The following FAM120B variants were observed in gnomAD, a reference collection of about 807,000 sequenced individuals.
The protein encoded by FAM120B is constitutive coactivator of peroxisome proliferator-activated receptor gamma.
Under a neutral mutation model 96.3 loss-of-function variants are expected in FAM120B, and 83 were observed. The observed-to-expected ratio is 0.86, with a 90% CI of 0.72 to 1.03. The LOEUF is 1.03. Among genes scored for constraint, FAM120B ranks in the 50% least tolerant of loss-of-function variants. The pLI, the probability that FAM120B is intolerant of heterozygous loss-of-function variation, is 0.00. For synonymous variants in FAM120B, 407 were observed against 402.7 expected, an observed-to-expected ratio of 1.01 and a Z score of -0.13; for missense variants, 1,027 against 1,121.2, an observed-to-expected ratio of 0.92 and a Z score of 1.20.
intron 1 of FAM120B, among the ~76,000 whole-genome samples, chr6:170,300,797 C>G (rs1476579015): frequency 6.6e-6 from 1 of 152,184 alleles, no homozygotes; most frequent in Non-Finnish European, 1.5e-5. Context: ...CTAAAATGAT[C>G]CCCTTTGACT....
chr6:170,361,216 A>ACGTGTG (rs577146615), intron 6 of FAM120B, among the ~76,000 whole-genome samples: 2 of 106,862 alleles, frequency 1.9e-5, no homozygotes, highest in African/African-American at 7.7e-5. Context: ...ATATATATAT[A>ACGTGTG]TATATATATA....
At chr6:170,404,519 T>C in intron 9 of FAM120B, 31 bp from the exon 10 acceptor site, 1 of 1,604,900 alleles carries the variant, frequency 6.2e-7, no homozygotes, top group Non-Finnish European at 8.5e-7. Flanking sequence ...GATTTAATTC[T>C]TACTTTGGTT....
chr6:170,388,252 T>C, intron 6 of FAM120B, 35 bp from the exon 7 acceptor site: 1 of 1,590,092 alleles, frequency 6.3e-7, no homozygotes, highest in Non-Finnish European at 8.6e-7. Context: ...GTGACTCCTG[T>C]CTTACATTTT....
chr6:170,343,157 A>G (rs1387132440), intron 4 of FAM120B, among the ~76,000 whole-genome samples: 1 of 152,020 alleles, frequency 6.6e-6, no homozygotes, highest in African/African-American at 2.4e-5. Flanking sequence ...AAACATCCAC[A>G]CCCTCCCCTG....
chr6:170,395,641 T>G, intron 9 of FAM120B, 62 bp downstream of exon 9: 1 of 1,250,946 alleles, frequency 8.0e-7, no homozygotes, highest in Non-Finnish European at 1.1e-6. Flanking sequence ...CACCTTGTGC[T>G]TTTGCTGATA....
At chr6:170,369,957 C>T (rs1230587427) in intron 6 of FAM120B, among the ~76,000 whole-genome samples, 1 of 152,100 alleles carries the variant, frequency 6.6e-6, no homozygotes, top group African/African-American at 2.4e-5. Flanking sequence ...ATTTTATCTT[C>T]GTGAATAAGA....
chr6:170,358,307 G>A lies in FAM120B; in HGVS notation c.2272G>A (p.Val758Ile). 1 of 1,604,644 alleles carries A rather than the reference G, an allele frequency of 6.2e-7. No homozygotes were observed. The highest frequency in any genetic ancestry group is 1.1e-5 in the South Asian group (1 of 89,714). Residue 758 changes from valine (V) to isoleucine (I), a missense_variant, in exon 6 of 11, where the codon GTA becomes ATA. Val to Ile is a conservative substitution (Grantham distance 29). Around this residue, in one of 3 missense-constraint regions of FAM120B, gnomAD observed 880 missense variants for 980.9 expected, o/e 0.90. Transcript: ENST00000476287. The part of the protein sequence containing the change: ...CLQGKSTSQL[V>I]NLQPDYINPR... ...CCAAGGAAAATCCACCTCGCAGCTT[G>A]TAAATCTACAGGTACAGACGTGACC...
intron 6 of FAM120B, among the ~76,000 whole-genome samples, chr6:170,359,568 A>T (rs1788202907): frequency 6.6e-6 from 1 of 151,952 alleles, no homozygotes; most frequent in Non-Finnish European, 1.5e-5. Context: ...GGCATGCACC[A>T]CCCTGGCTAA....
At chr6:170,336,587 G>T (rs1387038535) in intron 4 of FAM120B, among the ~76,000 whole-genome samples, 2 of 152,068 alleles carry the variant, frequency 1.3e-5, no homozygotes, top group East Asian at 3.8e-4. Context: ...TGTTAGCTTG[G>T]TGGGAATAGC....
At chr6:170,357,564 G>A (rs116346717) in intron 5 of FAM120B, among the ~76,000 whole-genome samples, 2,356 of 152,188 alleles carry the variant, frequency 0.015, 62 homozygotes, top group African/African-American at 0.053. Flanking sequence ...ACTAGGATTC[G>A]AGGACACAGG....
intron 2 of FAM120B, 113 bp from the exon 3 acceptor site, chr6:170,322,966 A>G (rs548504885): frequency 1.2e-6 from 1 of 844,214 alleles, no homozygotes; most frequent in African/African-American, 1.8e-5. Context: ...GGTCAGTTAC[A>G]TTTCTGAGGG....
At chr6:170,398,018 G>A (rs879523796) in intron 9 of FAM120B, among the ~76,000 whole-genome samples, 1 of 152,248 alleles carries the variant, frequency 6.6e-6, no homozygotes, top group Non-Finnish European at 1.5e-5. Context: ...CTGGGCCTCA[G>A]GAAGGTGGAG....
chr6:170,291,127 C>A (rs1199198429), upstream of FAM120B: 2 of 546,704 alleles, frequency 3.7e-6, no homozygotes, highest in Non-Finnish European at 6.9e-6. Flanking sequence ...CTTCCCCGCC[C>A]CCCCAGTCCT....
chr6:170,353,143 G>A (rs942754926), intron 5 of FAM120B, among the ~76,000 whole-genome samples: 1 of 152,120 alleles, frequency 6.6e-6, no homozygotes, highest in Non-Finnish European at 1.5e-5. Context: ...ATAAATTCCT[G>A]CACACATATG....
intron 4 of FAM120B, 44 bp from the exon 5 acceptor site, chr6:170,348,107 G>A: frequency 6.6e-7 from 1 of 1,516,086 alleles, no homozygotes; most frequent in South Asian, 1.2e-5. Context: ...TTATAACTCT[G>A]TGCTGCAAAG....
intron 8 of FAM120B, among the ~76,000 whole-genome samples, chr6:170,393,783 T>C (rs1249395546): frequency 6.6e-6 from 1 of 152,154 alleles, no homozygotes; most frequent in Non-Finnish European, 1.5e-5. Flanking sequence ...CCCAGCCCCA[T>C]GTTCTTGGGT....
Position 170,404,827 on chromosome 6 carries a change from G to GT in FAM120B, c.*78dup. On this transcript the variant is annotated 3_prime_UTR_variant, in exon 11 of 11. Coordinates refer to ENST00000476287, the MANE Select transcript of FAM120B (RefSeq NM_032448.3). ...AGCCCTGCCAGCGCCCTCCTCTGCT[G>GT]TTGCAGCTGCAAGGAGACCATGCCT... 1 of 528,908 alleles carries GT rather than the reference G, an allele frequency of 1.9e-6. No homozygotes were observed. Among genetic ancestry groups the GT allele is most frequent in the Non-Finnish European group, 3.4e-6 (1 of 298,028 alleles). The allele number at this position is 528,908 out of a possible 1,614,324, so 32.8% of individuals were successfully genotyped here.
Position 170,318,074 on chromosome 6 carries a change from C to T in FAM120B, c.684C>T (p.Leu228=), listed in dbSNP as rs771871960. ...CCGACCTTCCTCTTCTGGCCTGCCTCCTTGGCAACGACATAATCCCAGAGG... is the reference window on the plus strand; with the variant it reads ...CCGACCTTCCTCTTCTGGCCTGCCTTCTTGGCAACGACATAATCCCAGAGG... ...CVADLPLLAC[L]LGNDIIPEGM... is the part of the protein sequence containing the mutation. The change falls in exon 2 of 11, where the codon CTC becomes CTT. Residue 228 remains leucine, a synonymous_variant. Transcript: ENST00000476287. 5.0e-6 allele frequency: 8 copies of T among 1,614,182 alleles called. No individual in the cohort carries two copies. The highest frequency in any genetic ancestry group is 6.8e-6 in the Non-Finnish European group (8 of 1,180,032).
intron 6 of FAM120B, among the ~76,000 whole-genome samples, chr6:170,372,155 A>G (rs988645809): frequency 2.0e-5 from 3 of 152,172 alleles, no homozygotes; most frequent in Non-Finnish European, 4.4e-5. Flanking sequence ...TGATAAGAAC[A>G]TGGTTCATGC....
Sources: allele counts gnomAD v4.1 joint callset (sites outside exome capture counted in the v4.1 genomes callset), GRCh38; gene constraint gnomAD v4.1.1; regional missense constraint gnomAD v4.1.1; transcripts MANE v1.5; gene names NCBI Gene and HGNC (gene_info 2026-07-23, HGNC 2026-07-21).